Variants in EPHA4 observed in about 807,000 individuals in gnomAD.
The protein encoded by EPHA4 is ephrin type-A receptor 4.
In EPHA4, 19 loss-of-function variants were observed where a neutral mutation model predicts 108.3. The ratio of observed to expected loss-of-function variants is 0.18; its 90% CI spans 0.12 to 0.26. The LOEUF (loss-of-function observed/expected upper bound fraction) is 0.26, where lower values mean the gene tolerates loss of function less well. EPHA4 is among the 10% of genes least tolerant of loss of function. The pLI is 1.00. For missense variants in EPHA4, 917 were observed against 1,254.0 expected (o/e 0.73, Z 4.06); for synonymous variants, 449 against 455.5 (o/e 0.99, Z 0.18).
chr2:221,535,000 C>G (rs563841286), intron 3 of EPHA4, among the ~76,000 whole-genome samples: 1 of 152,356 alleles, frequency 6.6e-6, no homozygotes, highest in South Asian at 2.1e-4. Flanking sequence ...CGGGGTGCAG[C>G]TTCTGCACGT....
chr2:221,423,858 G>A (rs1343063413), intron 17 of EPHA4, among the ~76,000 whole-genome samples: 4 of 152,144 alleles, frequency 2.6e-5, no homozygotes, highest in South Asian at 4.1e-4. Flanking sequence ...ACCGACGCCT[G>A]TAATCCCAAC....
At chr2:221,539,096 G>A (rs1292741420) in intron 3 of EPHA4, among the ~76,000 whole-genome samples, 1 of 152,108 alleles carries the variant, frequency 6.6e-6, no homozygotes, top group Non-Finnish European at 1.5e-5. Flanking sequence ...CAAGTTCAAG[G>A]TCCTGACACA....
chr2:221,522,306 C>T (rs1693187090), intron 3 of EPHA4, among the ~76,000 whole-genome samples: 1 of 152,182 alleles, frequency 6.6e-6, no homozygotes, highest in South Asian at 2.1e-4. Flanking sequence ...GAAAATGAGG[C>T]TTGGAAAAAG....
chr2:221,539,025 A>C (rs935466651), intron 3 of EPHA4, among the ~76,000 whole-genome samples: 1 of 152,108 alleles, frequency 6.6e-6, no homozygotes, highest in African/African-American at 2.4e-5. Context: ...TTGTTCACTG[A>C]AAAAGAGTAT....
At chr2:221,493,745 G>GA (rs1428269318) in intron 4 of EPHA4, among the ~76,000 whole-genome samples, 3 of 152,208 alleles carry the variant, frequency 2.0e-5, no homozygotes, top group Non-Finnish European at 4.4e-5. Flanking sequence ...AATTCAATTA[G>GA]AAAAGGCAAA....
intron 3 of EPHA4, among the ~76,000 whole-genome samples, chr2:221,507,266 A>G (rs1692660204): frequency 6.6e-6 from 1 of 152,218 alleles, no homozygotes; most frequent in East Asian, 1.9e-4. Flanking sequence ...TGTTCTTGTC[A>G]TCGCTGCAAA....
At chr2:221,463,078 C>T (rs1295548817) in intron 5 of EPHA4, among the ~76,000 whole-genome samples, 1 of 152,178 alleles carries the variant, frequency 6.6e-6, no homozygotes, top group Non-Finnish European at 1.5e-5. Context: ...ACATATGCAA[C>T]AGCCACCAAT....
At chr2:221,471,867 T>C (rs540016447) in intron 5 of EPHA4, among the ~76,000 whole-genome samples, 1 of 152,270 alleles carries the variant, frequency 6.6e-6, no homozygotes, top group African/African-American at 2.4e-5. Flanking sequence ...TCCTTGCTTC[T>C]AATATAAAAC....
rs547406530 is a variant in EPHA4, at chr2:221,507,051, T to C, written c.824-5879A>G. ...AAAAACATTCTTAGCTGTCAGATCA[T>C]ATAAAAACTGGTGGCAGGCCAGATT... On this transcript the variant is annotated intron_variant, in intron 3 of 17. Transcript: ENST00000281821. 2.0e-5 allele frequency among the ~76,000 whole-genome samples: 3 copies of C among 152,320 alleles called. No individual in the cohort carries two copies. In the East Asian group the frequency reaches 5.8e-4, roughly 29 times the overall value.
chr2:221,532,279 T>C (rs1693546819), intron 3 of EPHA4, among the ~76,000 whole-genome samples: 1 of 152,046 alleles, frequency 6.6e-6, no homozygotes, highest in Non-Finnish European at 1.5e-5. Flanking sequence ...CGTGCTGCCA[T>C]GCGTGGCTAA....
At chr2:221,515,121 G>A (rs576283922) in intron 3 of EPHA4, among the ~76,000 whole-genome samples, 19 of 152,268 alleles carry the variant, frequency 1.2e-4, no homozygotes, top group African/African-American at 4.6e-4. Context: ...TTGAGACGAA[G>A]TTTTGCTCTT....
intron 2 of EPHA4, among the ~76,000 whole-genome samples, chr2:221,566,983 A>G (rs190009273): frequency 1.8e-4 from 23 of 129,462 alleles, no homozygotes; most frequent in Non-Finnish European, 2.3e-4. Context: ...GAAGAAGAAG[A>G]AGAAGAAGAA....
rs780074194 is a variant in EPHA4, at chr2:221,500,999, G to A, written c.979+18C>T. 1.3e-6 allele frequency: 2 copies of A among 1,560,132 alleles called. No homozygotes were observed. Among genetic ancestry groups the A allele is most frequent in the Non-Finnish European group, 1.7e-6 (2 of 1,153,400 alleles). ...AGCTGTTGGCATCACAGGAATGAGAGACAAGCATACAACTTACGGGTGCAG... is the reference window on the plus strand; with the variant it reads ...AGCTGTTGGCATCACAGGAATGAGAAACAAGCATACAACTTACGGGTGCAG... On this transcript the variant is annotated intron_variant, in intron 4 of 17. Transcript: ENST00000281821.
chr2:221,535,960 C>T (rs1432281648), intron 3 of EPHA4, among the ~76,000 whole-genome samples: 1 of 152,198 alleles, frequency 6.6e-6, no homozygotes, highest in Non-Finnish European at 1.5e-5. Flanking sequence ...CACCTACCTA[C>T]CCAGTCTCTT....
Position 221,520,506 on chromosome 2 carries a change from C to CCACA in EPHA4, c.824-19338_824-19335dup, listed in dbSNP as rs61047207. On this transcript the variant is annotated intron_variant, in intron 3 of 17. Transcript: ENST00000281821. The stretch of plus-strand genomic sequence containing the variant: ...AGAGTGTAAGACTTATTTCCTCTAA[C>CCACA]CACACACACACACACACACACACAC... Among the ~76,000 whole-genome samples, 10 of 142,044 alleles carry CCACA rather than the reference C, an allele frequency of 7.0e-5. No homozygotes were observed. In the South Asian group the frequency reaches 9.5e-4, roughly 14 times the overall value. The allele number at this position is 142,044 out of a possible 152,430, so 93.2% of individuals were successfully genotyped here.
chr2:221,444,215 T>A (rs1240531786), intron 9 of EPHA4, among the ~76,000 whole-genome samples: 1 of 152,214 alleles, frequency 6.6e-6, no homozygotes, highest in East Asian at 1.9e-4. Flanking sequence ...GATATTCAAG[T>A]TTGCCAGAAA....
At chr2:221,435,180 T>C (rs147373376) in intron 13 of EPHA4, among the ~76,000 whole-genome samples, 300 of 152,294 alleles carry the variant, frequency 2.0e-3, no homozygotes, top group African/African-American at 6.6e-3. Flanking sequence ...ATTGCTTTGA[T>C]ACATTGCAGT....
chr2:221,425,901 T>C lies in EPHA4; in HGVS notation c.*127A>G. ...TGTGCACCAAGCAACGCTGCAGATA[T>C]TGTTTTTTTTTTTCATTTCTTTAAT... On this transcript the variant is annotated 3_prime_UTR_variant, in exon 17 of 18. Transcript: ENST00000281821. 2 of 813,010 alleles carry C rather than the reference T, an allele frequency of 2.5e-6. No individual in the cohort carries two copies. Among genetic ancestry groups the C allele is most frequent in the Non-Finnish European group, 4.1e-6 (2 of 493,036 alleles). The allele number at this position is 813,010 out of a possible 1,614,324, so 50.4% of individuals were successfully genotyped here. A position where few individuals can be genotyped will look rare whatever the true frequency, so the allele number is the denominator to read the frequency against.
At chr2:221,565,382 G>T (rs3770144) in intron 2 of EPHA4, among the ~76,000 whole-genome samples, 21,831 of 152,076 alleles carry the variant, frequency 0.14, 2,107 homozygotes, top group East Asian at 0.35. Context: ...CTACTAAGCT[G>T]GTAGGCAGCC....
Sources: allele counts gnomAD v4.1 joint callset (sites outside exome capture counted in the v4.1 genomes callset), GRCh38; gene constraint gnomAD v4.1.1; transcripts MANE v1.5; gene names NCBI Gene and HGNC (gene_info 2026-07-23, HGNC 2026-07-21).